NAALADL2: variants seen among roughly 807,000 people sequenced by gnomAD.
NAALADL2 encodes the protein inactive N-acetylated-alpha-linked acidic dipeptidase-like protein 2.
In NAALADL2, 76 loss-of-function variants were observed where a neutral mutation model predicts 87.2. The observed-to-expected ratio is 0.87, with a 90% CI of 0.72 to 1.05. The LOEUF is 1.05. NAALADL2 is among the 50% of genes least tolerant of loss of function. NAALADL2 has a pLI of 0.00. For synonymous variants in NAALADL2, 354 were observed against 331.0 expected (o/e 1.07, Z -0.75); for missense variants, 1,089 against 945.8 (o/e 1.15, Z -1.99).
At chr3:175,165,676 T>C (rs542746502) in intron 2 of NAALADL2, among the ~76,000 whole-genome samples, 1 of 152,268 alleles carries the variant, frequency 6.6e-6, no homozygotes, top group Admixed American at 6.5e-5. Flanking sequence ...AAGTATATTG[T>C]ATAATCTTTT....
At chr3:174,674,737 T>G (rs751059361) in intron 2 of NAALADL2, among the ~76,000 whole-genome samples, 6 of 152,054 alleles carry the variant, frequency 3.9e-5, no homozygotes, top group Non-Finnish European at 7.4e-5. Flanking sequence ...CCTTTTTACT[T>G]CTTTTCTCCC....
chr3:174,651,328 C>T (rs1432623571), intron 2 of NAALADL2, among the ~76,000 whole-genome samples: 1 of 152,098 alleles, frequency 6.6e-6, no homozygotes, highest in African/African-American at 2.4e-5. Context: ...GAGGACAACT[C>T]AGTTTATTAT....
At chr3:174,746,415 T>G (rs1385193827) in intron 3 of NAALADL2, among the ~76,000 whole-genome samples, 1 of 152,074 alleles carries the variant, frequency 6.6e-6, no homozygotes, top group African/African-American at 2.4e-5. Context: ...AAACCACTGC[T>G]CAAGGAATTA....
At chr3:174,837,317 A>C (rs946970848) in intron 3 of NAALADL2, among the ~76,000 whole-genome samples, 1 of 152,202 alleles carries the variant, frequency 6.6e-6, no homozygotes, top group Admixed American at 6.5e-5. Flanking sequence ...AGAGATTACA[A>C]CTGACACCAC....
At chr3:175,338,663 A>AC (rs1553865697) in intron 5 of NAALADL2, among the ~76,000 whole-genome samples, 5 of 148,430 alleles carry the variant, frequency 3.4e-5, no homozygotes, top group East Asian at 2.0e-4. Context: ...ACACACACAC[A>AC]AACAAACAAA....
chr3:175,719,470 A>C (rs1205163312), intron 11 of NAALADL2, among the ~76,000 whole-genome samples: 1 of 152,208 alleles, frequency 6.6e-6, no homozygotes, highest in Non-Finnish European at 1.5e-5. Context: ...ACATTATGTG[A>C]GAATCTCCAA....
chr3:175,682,530 T>A (rs1735728813), intron 11 of NAALADL2, among the ~76,000 whole-genome samples: 1 of 151,872 alleles, frequency 6.6e-6, no homozygotes, highest in Admixed American at 6.6e-5. Flanking sequence ...TAAAACAGAT[T>A]GAGGAACTCT....
chr3:174,732,884 C>A (rs1732838033), intron 2 of NAALADL2, among the ~76,000 whole-genome samples: 1 of 152,006 alleles, frequency 6.6e-6, no homozygotes, highest in South Asian at 2.1e-4. Flanking sequence ...TGGGTTTTTT[C>A]TTTTATATGT....
At chr3:175,297,447 A>C (rs539724720) in intron 4 of NAALADL2, among the ~76,000 whole-genome samples, 10 of 152,274 alleles carry the variant, frequency 6.6e-5, no homozygotes, top group African/African-American at 2.4e-4. Flanking sequence ...GGAATACTTT[A>C]TGATTTATTT....
At chr3:175,145,269 G>T (rs914494032) in intron 2 of NAALADL2, among the ~76,000 whole-genome samples, 3 of 151,938 alleles carry the variant, frequency 2.0e-5, no homozygotes, top group African/African-American at 7.2e-5. Context: ...CATTGGCTTG[G>T]TATCACTTCC....
intron 2 of NAALADL2, among the ~76,000 whole-genome samples, chr3:174,697,420 T>G (rs1466949618): frequency 6.6e-6 from 1 of 152,162 alleles, no homozygotes; most frequent in Non-Finnish European, 1.5e-5. Flanking sequence ...TTAGAAGACC[T>G]AATGGAGATA....
At chr3:174,673,313 G>A (rs1416914799) in intron 2 of NAALADL2, among the ~76,000 whole-genome samples, 1 of 151,864 alleles carries the variant, frequency 6.6e-6, no homozygotes, top group East Asian at 1.9e-4. Context: ...TCATAAAGAA[G>A]AATAAATAGG....
chr3:174,732,641 C>T (rs1732813791), intron 2 of NAALADL2, among the ~76,000 whole-genome samples: 1 of 152,036 alleles, frequency 6.6e-6, no homozygotes, highest in Admixed American at 6.6e-5. Context: ...ATAGGCTTAA[C>T]TTATGGTGGG....
At chr3:175,445,848 T>C (rs914291489) in intron 5 of NAALADL2, among the ~76,000 whole-genome samples, 1 of 152,134 alleles carries the variant, frequency 6.6e-6, no homozygotes, top group African/African-American at 2.4e-5. Context: ...TCTCAATATG[T>C]TAGCACACAT....
At chr3:174,577,429 G>T (rs1205145885) in intron 2 of NAALADL2, among the ~76,000 whole-genome samples, 3 of 152,240 alleles carry the variant, frequency 2.0e-5, no homozygotes, top group South Asian at 2.1e-4. Flanking sequence ...GAAGTAGACA[G>T]AAACTGGGGA....
At chr3:174,700,070 A>G (rs191759018) in intron 2 of NAALADL2, among the ~76,000 whole-genome samples, 177 of 151,450 alleles carry the variant, frequency 1.2e-3, no homozygotes, top group African/African-American at 4.2e-3. Context: ...TTATTTGGCT[A>G]TTTGAAGATT....
intron 4 of NAALADL2, among the ~76,000 whole-genome samples, chr3:175,317,138 T>A (rs1381476292): frequency 6.6e-6 from 1 of 152,116 alleles, no homozygotes; most frequent in Admixed American, 6.6e-5. Context: ...ATAGAAAAAT[T>A]CACGTTCTGT....
intron 3 of NAALADL2, among the ~76,000 whole-genome samples, chr3:174,839,028 G>A (rs936476927): frequency 2.0e-5 from 3 of 152,080 alleles, no homozygotes; most frequent in South Asian, 2.1e-4. Context: ...AAGAGAGCCC[G>A]CATAGCCAAA....
At chr3:175,292,339 T>C (rs1446228323) in intron 4 of NAALADL2, among the ~76,000 whole-genome samples, 1 of 152,212 alleles carries the variant, frequency 6.6e-6, no homozygotes, top group Non-Finnish European at 1.5e-5. Flanking sequence ...TAGTTTTAGA[T>C]CATGGGAATA....
Sources: allele counts gnomAD v4.1 joint callset (sites outside exome capture counted in the v4.1 genomes callset), GRCh38; gene constraint gnomAD v4.1.1; transcripts MANE v1.5; gene names NCBI Gene and HGNC (gene_info 2026-07-23, HGNC 2026-07-21).